The following ACTR1A variants were observed in gnomAD, a reference collection of about 807,000 sequenced individuals.
ACTR1A encodes the protein alpha-centractin.
Under a neutral mutation model 50.7 loss-of-function variants are expected in ACTR1A, and 10 were observed. The ratio of observed to expected loss-of-function variants is 0.20; its 90% CI spans 0.12 to 0.33. The LOEUF (loss-of-function observed/expected upper bound fraction) is 0.33. ACTR1A is among the 10% of genes least tolerant of loss of function. The pLI, the probability that ACTR1A is intolerant of heterozygous loss-of-function variation, is 1.00. For missense variants in ACTR1A, 253 were observed against 491.7 expected, an observed-to-expected ratio of 0.51 and a Z score of 4.59; for synonymous variants, 177 against 184.2, an observed-to-expected ratio of 0.96 and a Z score of 0.32.
chr10:102,492,318 C>T (rs2062198789), intron 1 of ACTR1A, among the ~76,000 whole-genome samples: 1 of 152,002 alleles, frequency 6.6e-6, no homozygotes, highest in Admixed American at 6.6e-5. Flanking sequence ...ATCCACCTGC[C>T]TCGGCCTCCC....
chr10:102,487,491 G>A (rs1043394019), intron 4 of ACTR1A, among the ~76,000 whole-genome samples: 4 of 152,244 alleles, frequency 2.6e-5, no homozygotes, highest in Non-Finnish European at 5.9e-5. Flanking sequence ...CCAGGAGGTC[G>A]AGGCTGCAGT....
Position 102,479,582 on chromosome 10 carries a change from C to T in ACTR1A, c.*1281G>A. ...CACTCCTAGGAGTCAGGCCTGGCTCCATTAGCTCCTGGCACTCTGGTCTGG... is the reference window on the plus strand; with the variant it reads ...CACTCCTAGGAGTCAGGCCTGGCTCTATTAGCTCCTGGCACTCTGGTCTGG... On this transcript the variant is annotated 3_prime_UTR_variant, in exon 11 of 11. Transcript: ENST00000369905. This position sits in a 1 kb window ranked among gnomAD's most constrained non-coding sequence, Gnocchi z 4.0. The T allele has an allele frequency of 1.6e-6, 2 of 1,285,880 alleles. No homozygotes were observed. Among genetic ancestry groups the T allele is most frequent in the Non-Finnish European group, 2.0e-6 (2 of 985,758 alleles). 79.7% of individuals were successfully genotyped at this position (1,285,880 alleles called of 1,614,324 possible). A position where few individuals can be genotyped will look rare whatever the true frequency, so the allele number is the denominator to read the frequency against.
chr10:102,483,111 T>A lies in ACTR1A; in HGVS notation c.658-8A>T. The A allele has an allele frequency of 6.2e-7, 1 of 1,608,942 alleles. No individual in the cohort carries two copies. Among genetic ancestry groups the A allele is most frequent in the Non-Finnish European group, 8.5e-7 (1 of 1,175,242 alleles). ...GGATAGGTAACAGGCTCTCTGCAGA[T>A]CCAAGCAAGACAGTCAGGCTGGCAG... On this transcript the variant is annotated splice_region_variant and splice_polypyrimidine_tract_variant and intron_variant, in intron 6 of 10. Transcript: ENST00000369905.
chr10:102,496,795 G>A (rs1305037735), intron 1 of ACTR1A, among the ~76,000 whole-genome samples: 2 of 152,194 alleles, frequency 1.3e-5, no homozygotes, highest in Non-Finnish European at 2.9e-5. Context: ...GACAATTAGT[G>A]AAATCTGAAC....
intron 1 of ACTR1A, among the ~76,000 whole-genome samples, chr10:102,498,303 GT>G (rs1442057443): frequency 6.6e-6 from 1 of 150,376 alleles, no homozygotes; most frequent in Non-Finnish European, 1.5e-5. Context: ...TTTTCTGTGT[GT>G]TTAAAGTATC....
intron 1 of ACTR1A, among the ~76,000 whole-genome samples, chr10:102,498,323 TC>T (rs770739824): frequency 1.9e-3 from 273 of 144,936 alleles, no homozygotes; most frequent in Non-Finnish European, 3.5e-3. Flanking sequence ...TCTCTCTCTC[TC>T]TTTTTTTTTT....
At chr10:102,500,934 G>A (rs1246502334) in intron 1 of ACTR1A, among the ~76,000 whole-genome samples, 2 of 151,924 alleles carry the variant, frequency 1.3e-5, no homozygotes, top group Non-Finnish European at 2.9e-5. Context: ...AGCCAGGGGT[G>A]GTGGCGCGTG....
Position 102,480,791 on chromosome 10 carries a change from A to T in ACTR1A, c.*72T>A, listed in dbSNP as rs1589958249. On this transcript the variant is annotated 3_prime_UTR_variant, in exon 11 of 11. Transcript: ENST00000369905. ...CTCACACACAGGCAGTTCCTCGCAAACACTCCGACTCAAGAAAGCGAGTTT... is the reference window on the plus strand; with the variant it reads ...CTCACACACAGGCAGTTCCTCGCAATCACTCCGACTCAAGAAAGCGAGTTT... The T allele has an allele frequency of 7.8e-7, 1 of 1,274,550 alleles. No individual in the cohort carries two copies. The allele number at this position is 1,274,550 out of a possible 1,614,324, so 79.0% of individuals were successfully genotyped here. A position where few individuals can be genotyped will look rare whatever the true frequency, so the allele number is the denominator to read the frequency against.
intron 1 of ACTR1A, among the ~76,000 whole-genome samples, chr10:102,491,483 TTTG>T (rs763331002): frequency 3.1e-4 from 47 of 152,300 alleles, no homozygotes; most frequent in African/African-American, 6.3e-4. Flanking sequence ...TTGGGAGATT[TTTG>T]TTGTTGTTTT....
intron 4 of ACTR1A, 139 bp from the exon 5 acceptor site, chr10:102,485,872 G>T: frequency 8.3e-7 from 1 of 1,210,504 alleles, no homozygotes; most frequent in Non-Finnish European, 1.2e-6. Context: ...GGCAAGCTGT[G>T]CCTGTCAACT....
chr10:102,493,224 T>C (rs2062203720), intron 1 of ACTR1A, among the ~76,000 whole-genome samples: 1 of 152,136 alleles, frequency 6.6e-6, no homozygotes, highest in South Asian at 2.1e-4. Context: ...AGGGGCAATT[T>C]GCCTACAAAC....
intron 6 of ACTR1A, 196 bp from the exon 7 acceptor site, chr10:102,483,299 T>C (rs1480182470): frequency 1.6e-5 from 9 of 555,920 alleles, no homozygotes; most frequent in Non-Finnish European, 2.9e-5. Context: ...AGCATATGAG[T>C]TCTTAACCGC....
rs755790412 is a variant in ACTR1A, at chr10:102,485,597, G to A, written c.440+12C>T. 3.7e-5 allele frequency: 59 copies of A among 1,613,044 alleles called. 1 individual carries two copies. The highest frequency in any genetic ancestry group is 4.7e-5 in the Non-Finnish European group (55 of 1,179,708). ...TTCCCCGCAGGGGCCGGGCTAGCCA[G>A]CTGCTACTCACAGGCTGAGTACAGC... On this transcript the variant is annotated intron_variant, in intron 5 of 10. Coordinates refer to ENST00000369905, the MANE Select transcript of ACTR1A (RefSeq NM_005736.4).
At chr10:102,486,061 C>T (rs1252526002) in intron 4 of ACTR1A, among the ~76,000 whole-genome samples, 1 of 152,146 alleles carries the variant, frequency 6.6e-6, no homozygotes, top group Non-Finnish European at 1.5e-5. Flanking sequence ...AAATTCCTGC[C>T]GCAGACCAGT....
intron 1 of ACTR1A, among the ~76,000 whole-genome samples, chr10:102,500,769 A>C (rs554240661): frequency 6.6e-6 from 1 of 150,774 alleles, no homozygotes; most frequent in East Asian, 2.0e-4. Flanking sequence ...CCACCCCCCC[A>C]CACCAAAAAA....
chr10:102,493,952 T>A (rs1004624173), intron 1 of ACTR1A, among the ~76,000 whole-genome samples: 23 of 152,198 alleles, frequency 1.5e-4, no homozygotes, highest in African/African-American at 5.5e-4. Context: ...ACCCAGCGTG[T>A]CCTTGCAGCC....
chr10:102,502,551 CGAG>C (rs773472853), intron 1 of ACTR1A, 46 bp downstream of exon 1: 24 of 1,603,942 alleles, frequency 1.5e-5, no homozygotes, highest in South Asian at 8.8e-5. Flanking sequence ...GCGATCCTTT[CGAG>C]GAGGAGAGCC....
chr10:102,490,552 T>C lies in ACTR1A; in HGVS notation c.110A>G (p.Asn37Ser). ...TCTAAGCTACAGAATGACTTACTAG[T>C]TTGGAAAGCAGTATTTGGGGATCTG... is the stretch of plus-strand genomic sequence containing the variant. ...GDQIPKYCFP[N>S]YVGRPKHVRV... is the part of the protein sequence containing the mutation. Residue 37 changes from asparagine (N) to serine (S), a missense_variant, in exon 2 of 11, where the codon AAC (asparagine) becomes AGC (serine). Asn to Ser is a conservative substitution (Grantham distance 46). Coordinates refer to ENST00000369905, the MANE Select transcript of ACTR1A (RefSeq NM_005736.4). 6.2e-7 allele frequency: 1 copy of C among 1,612,474 alleles called. No individual in the cohort carries two copies. The highest frequency in any genetic ancestry group is 2.2e-5 in the East Asian group (1 of 44,868).
chr10:102,487,437 G>C (rs1050289127), intron 4 of ACTR1A, among the ~76,000 whole-genome samples: 1 of 151,920 alleles, frequency 6.6e-6, no homozygotes, highest in African/African-American at 2.4e-5. Context: ...AAAATTAGCC[G>C]GGCATGGTGG....
Sources: gnomAD v4.1 joint callset for allele counts (sites outside exome capture counted in the v4.1 genomes callset) on GRCh38, gnomAD v4.1.1 for gene constraint, Gnocchi (gnomAD v3.1) non-coding constraint, MANE v1.5 for transcripts, NCBI Gene and HGNC (gene_info 2026-07-23, HGNC 2026-07-21) for gene names.